The following PCDHA1 variants were observed in gnomAD, a reference collection of about 807,000 sequenced individuals.
PCDHA1 encodes the protein protocadherin alpha 1.
Under a neutral mutation model 61.3 loss-of-function variants are expected in PCDHA1, and 42 were observed. The ratio of observed to expected loss-of-function variants is 0.69; its 90% CI spans 0.54 to 0.89. PCDHA1 has a LOEUF of 0.89. Ranked by LOEUF, PCDHA1 falls within the 40% of genes least tolerant of loss-of-function variation. The probability of loss-of-function intolerance (pLI) is 0.00; values close to 1 mark genes in which losing one functional copy is unlikely to be tolerated. For synonymous variants in PCDHA1, 610 were observed against 553.8 expected (o/e 1.10, Z -1.43); for missense variants, 1,256 against 1,235.3 (o/e 1.02, Z -0.25).
In PCDHA1 at chr5:140,842,698, G is replaced by C. The variant is rs2150342332; in HGVS notation, c.2394+54014G>C. On this transcript the variant is annotated intron_variant, in intron 1 of 3. Transcript: ENST00000504120. ...ATGCTCCGGCGTTCGCGCAGCCCGA[G>C]TACACGGTGTTCGTGAAGGAGAACA... The C allele has an allele frequency of 9.4e-6, 15 of 1,595,366 alleles. 2 individuals carry two copies. The highest frequency in any genetic ancestry group is 4.3e-6 in the Non-Finnish European group (5 of 1,165,528).
At chr5:140,941,214 C>CTTCCTTTCTTTCTTTCTTTCTTT (rs1554214039) in intron 1 of PCDHA1, among the ~76,000 whole-genome samples, 1 of 122,414 alleles carries the variant, frequency 8.2e-6, no homozygotes. Flanking sequence ...TTTCTTTCTT[C>CTTCCTTTCTTTCTTTCTTTCTTT]CTTTCTTTCT....
chr5:140,825,459 T>C (rs2150074566), intron 1 of PCDHA1: 1 of 149,426 alleles, frequency 6.7e-6, no homozygotes, highest in South Asian at 2.1e-4. Flanking sequence ...TCAGATATTT[T>C]GATACAGAAT....
chr5:140,877,324 G>C (rs782336745), intron 1 of PCDHA1: 3 of 1,613,990 alleles, frequency 1.9e-6, no homozygotes, highest in Non-Finnish European at 2.5e-6. Context: ...GGCGGTCGGC[G>C]CGCACATCCC....
At chr5:140,829,994 C>G (rs1554132448) in intron 1 of PCDHA1, 3 of 1,613,866 alleles carry the variant, frequency 1.9e-6, no homozygotes, top group Non-Finnish European at 2.5e-6. Flanking sequence ...CAGCACCACT[C>G]GTGTCCTGGA....
At chr5:140,835,288 T>G in intron 1 of PCDHA1, 1 of 1,612,190 alleles carries the variant, frequency 6.2e-7, no homozygotes, top group Non-Finnish European at 8.5e-7. Context: ...AGTGGGGCAA[T>G]CACAGTGATA....
intron 1 of PCDHA1, among the ~76,000 whole-genome samples, chr5:140,942,287 G>A (rs1468201947): frequency 1.3e-5 from 2 of 152,102 alleles, no homozygotes; most frequent in African/African-American, 4.8e-5. Context: ...GCTCATGCCT[G>A]TAATCCTAGC....
chr5:140,873,621 T>C (rs1282269984), intron 1 of PCDHA1, among the ~76,000 whole-genome samples: 2 of 152,186 alleles, frequency 1.3e-5, no homozygotes, highest in African/African-American at 4.8e-5. Flanking sequence ...TAACAATTTG[T>C]TTAGGTCAAA....
At chr5:140,805,536 A>G (rs2149985319) in intron 1 of PCDHA1, 1 of 986,254 alleles carries the variant, frequency 1.0e-6, no homozygotes, top group Non-Finnish European at 1.2e-6. Flanking sequence ...CAGGATGAAA[A>G]TAACTTTATG....
At chr5:140,790,156 G>T (rs1201162692) in intron 1 of PCDHA1, among the ~76,000 whole-genome samples, 1 of 152,266 alleles carries the variant, frequency 6.6e-6, no homozygotes, top group East Asian at 1.9e-4. Flanking sequence ...CAAAATCAAG[G>T]AAGATTTGAT....
chr5:140,786,666 A>G lies in PCDHA1; in HGVS notation c.376A>G (p.Ile126Val). The change falls in exon 1 of 4, where the codon ATT becomes GTT. Residue 126 changes from isoleucine to valine, a missense_variant. By Grantham distance (29) the Ile-to-Val change is conservative. Transcript: ENST00000504120. ...VFHVEVKVKD[I>V]NDNPPVFRGR... ...CCATGTGGAGGTGAAGGTGAAAGAC[A>G]TTAACGATAATCCACCCGTCTTCAG... 2.5e-6 allele frequency: 4 copies of G among 1,614,262 alleles called. No individual in the cohort carries two copies. Among genetic ancestry groups the G allele is most frequent in the Non-Finnish European group, 3.4e-6 (4 of 1,180,034 alleles).
chr5:140,826,367 T>A (rs1304038194), intron 1 of PCDHA1, among the ~76,000 whole-genome samples: 2 of 152,176 alleles, frequency 1.3e-5, no homozygotes, highest in African/African-American at 2.4e-5. Context: ...ATAACTGCAA[T>A]AGAAAGTCAG....
In PCDHA1 at chr5:140,929,637, G is replaced by A. The variant is rs373869618; in HGVS notation, c.2395-49312G>A. ...CCAAAATATTTTATAAGCAACAGATGTGTAAGGCACTCTAATATTTAAAGT... is the reference window on the plus strand; with the variant it reads ...CCAAAATATTTTATAAGCAACAGATATGTAAGGCACTCTAATATTTAAAGT... On this transcript the variant is annotated intron_variant, in intron 1 of 3. Coordinates refer to ENST00000504120, the MANE Select transcript of PCDHA1 (RefSeq NM_018900.4). The A allele has an allele frequency of 1.4e-4, 52 of 378,290 alleles. No homozygotes were observed. The South Asian group carries it at 3.2e-3, about 23-fold the overall frequency. The allele number at this position is 378,290 out of a possible 1,614,324, so 23.4% of individuals were successfully genotyped here. A position where few individuals can be genotyped will look rare whatever the true frequency, so the allele number is the denominator to read the frequency against.
Position 140,926,934 on chromosome 5 carries a change from C to T in PCDHA1, c.2395-52015C>T, listed in dbSNP as rs138351230. ...TGGCAGTTTTATGTTTGTGGGTTTC[C>T]TGCGGCGCTGCAGCGGGACAGCTCG... On this transcript the variant is annotated intron_variant, in intron 1 of 3. Coordinates refer to ENST00000504120, the MANE Select transcript of PCDHA1 (RefSeq NM_018900.4). The T allele has an allele frequency of 5.7e-6, 9 of 1,578,848 alleles. No homozygotes were observed. The African/African-American group carries it at 1.2e-4, about 21-fold the overall frequency.
At chr5:140,823,966 TGCACACGGG>T in intron 1 of PCDHA1, 1 of 1,613,942 alleles carries the variant, frequency 6.2e-7, no homozygotes, top group Non-Finnish European at 8.5e-7. Context: ...CGAGGCCGTG[TGCACACGGG>T]GCAAGCCCAC....
chr5:140,835,731 G>A, intron 1 of PCDHA1: 3 of 1,613,790 alleles, frequency 1.9e-6, no homozygotes, highest in Non-Finnish European at 2.5e-6. Flanking sequence ...CGACGTGAAC[G>A]ACAACGCCCC....
chr5:140,874,818 T>C (rs1169923118), intron 1 of PCDHA1, among the ~76,000 whole-genome samples: 8 of 152,256 alleles, frequency 5.3e-5, no homozygotes, highest in Admixed American at 5.2e-4. Flanking sequence ...ACAATTTATA[T>C]AAATGAAATA....
At chr5:140,909,094 T>C (rs1445563506) in intron 1 of PCDHA1, among the ~76,000 whole-genome samples, 1 of 152,196 alleles carries the variant, frequency 6.6e-6, no homozygotes, top group Admixed American at 6.5e-5. Context: ...TACTTCTCAC[T>C]CACTGGGTCC....
intron 1 of PCDHA1, chr5:140,875,557 G>A (rs2055595805): frequency 6.2e-7 from 1 of 1,613,946 alleles, no homozygotes; most frequent in Non-Finnish European, 8.5e-7. Flanking sequence ...GGTGGGGAGC[G>A]GCCAGCTCCA....
rs187034758 is a variant in PCDHA1 at position 140,897,376 on chromosome 5, C to G, written c.2395-81573C>G. 8.0e-3 allele frequency among the ~76,000 whole-genome samples: 1,079 copies of G among 134,538 alleles called. 8 individuals are homozygous for G. Among genetic ancestry groups the G allele is most frequent in the Non-Finnish European group, 0.013 (863 of 65,384 alleles). 88.3% of individuals were successfully genotyped at this position (134,538 alleles called of 152,430 possible). A position where few individuals can be genotyped will look rare whatever the true frequency, so the allele number is the denominator to read the frequency against. ...TGTCCCCAGAGTGTGATGTTCCCTT[C>G]CCCTTCCTGTGTCCATGTGTTCTCA... On this transcript the variant is annotated intron_variant, in intron 1 of 3. Coordinates refer to ENST00000504120, the MANE Select transcript of PCDHA1 (RefSeq NM_018900.4).
Sources: gnomAD v4.1 joint callset for allele counts (sites outside exome capture counted in the v4.1 genomes callset) on GRCh38, gnomAD v4.1.1 for gene constraint, MANE v1.5 for transcripts, NCBI Gene and HGNC (gene_info 2026-07-23, HGNC 2026-07-21) for gene names.